Variants in LUZP2 observed in about 807,000 individuals in gnomAD.
The protein encoded by LUZP2 is leucine zipper protein 2.
A neutral mutation model predicts 51.6 loss-of-function variants in LUZP2; 52 were observed. The observed-to-expected ratio is 1.01, with a 90% confidence interval of 0.81 to 1.27. The LOEUF is 1.27. Among genes scored for constraint, LUZP2 ranks in the 50% most tolerant of loss-of-function variants. LUZP2 has a pLI of 0.00. For synonymous variants in LUZP2, 154 were observed against 137.3 expected (o/e 1.12, Z -0.85); for missense variants, 436 against 395.4 (o/e 1.10, Z -0.87).
intron 4 of LUZP2, among the ~76,000 whole-genome samples, chr11:24,749,201 A>C (rs1859488387): frequency 6.6e-6 from 1 of 152,180 alleles, no homozygotes; most frequent in African/African-American, 2.4e-5. Flanking sequence ...GGGCTGGCAC[A>C]AAGTGCAAAT....
chr11:24,773,964 G>A (rs1044604891), intron 5 of LUZP2, among the ~76,000 whole-genome samples: 9 of 152,030 alleles, frequency 5.9e-5, no homozygotes, highest in Non-Finnish European at 1.0e-4. Flanking sequence ...TTAATACTGA[G>A]TGTCAACTAG....
chr11:24,901,616 C>G (rs886731640), intron 5 of LUZP2, among the ~76,000 whole-genome samples: 22 of 152,130 alleles, frequency 1.4e-4, no homozygotes, highest in African/African-American at 5.3e-4. Context: ...TTCCTCAGGT[C>G]TTGTCTTAGA....
intron 1 of LUZP2, among the ~76,000 whole-genome samples, chr11:24,687,794 A>C (rs1477904351): frequency 6.6e-6 from 1 of 152,186 alleles, no homozygotes; most frequent in Non-Finnish European, 1.5e-5. Flanking sequence ...CTGAAGATCT[A>C]AATATATTTG....
At chr11:24,853,468 A>T (rs997468236) in intron 5 of LUZP2, among the ~76,000 whole-genome samples, 45 of 152,034 alleles carry the variant, frequency 3.0e-4, no homozygotes, top group African/African-American at 9.4e-4. Flanking sequence ...TTTCAGCTCC[A>T]TCAGGTTATT....
intron 5 of LUZP2, among the ~76,000 whole-genome samples, chr11:24,818,036 T>TAGATACTAGGCTAG (rs1251381750): frequency 1.3e-5 from 2 of 152,120 alleles, no homozygotes; most frequent in African/African-American, 4.8e-5. Flanking sequence ...ATAAACTATT[T>TAGATACTAGGCTAG]AGATACTAGG....
intron 4 of LUZP2, among the ~76,000 whole-genome samples, chr11:24,762,093 G>GTGT (rs1565123380): frequency 1.4e-3 from 1 of 728 alleles, no homozygotes; most frequent in African/African-American, 4.2e-3. Flanking sequence ...GGCATTTTAC[G>GTGT]TATTCTTGTT....
chr11:24,887,902 C>A (rs938135663), intron 5 of LUZP2, among the ~76,000 whole-genome samples: 1 of 152,130 alleles, frequency 6.6e-6, no homozygotes, highest in African/African-American at 2.4e-5. Flanking sequence ...CTGTGAGATG[C>A]AGCGATCTCT....
chr11:24,987,089 A>C (rs7117863), intron 9 of LUZP2, among the ~76,000 whole-genome samples: 78,364 of 151,542 alleles, frequency 0.52, 20,775 homozygotes, highest in African/African-American at 0.58. Flanking sequence ...GAGGAGATCA[A>C]ATACAAAAAT....
At chr11:24,751,757 A>T (rs1358108443) in intron 4 of LUZP2, among the ~76,000 whole-genome samples, 1 of 152,044 alleles carries the variant, frequency 6.6e-6, no homozygotes, top group Non-Finnish European at 1.5e-5. Flanking sequence ...AAGATATTTG[A>T]GTACAGAGCT....
intron 5 of LUZP2, among the ~76,000 whole-genome samples, chr11:24,848,052 A>C (rs1186252598): frequency 6.6e-6 from 1 of 152,068 alleles, no homozygotes; most frequent in Non-Finnish European, 1.5e-5. Context: ...TAATTTTAGT[A>C]GGAGAGAGTA....
At chr11:24,990,015 A>G (rs1354142850) in intron 9 of LUZP2, among the ~76,000 whole-genome samples, 3 of 152,140 alleles carry the variant, frequency 2.0e-5, no homozygotes, top group African/African-American at 7.2e-5. Flanking sequence ...AGGTGGGATC[A>G]TTTAAAATAT....
At chr11:25,071,288 T>A (rs1859150793) in intron 10 of LUZP2, among the ~76,000 whole-genome samples, 1 of 151,984 alleles carries the variant, frequency 6.6e-6, no homozygotes, top group South Asian at 2.1e-4. Context: ...AAATCACACA[T>A]GATGCTAAAT....
chr11:24,845,830 A>C (rs577780272), intron 5 of LUZP2, among the ~76,000 whole-genome samples: 2 of 152,128 alleles, frequency 1.3e-5, no homozygotes, highest in Non-Finnish European at 2.9e-5. Context: ...CTCCCCAGCC[A>C]TGTGGAACCA....
chr11:24,695,310 A>C (rs1218994298), intron 1 of LUZP2, among the ~76,000 whole-genome samples: 1 of 152,118 alleles, frequency 6.6e-6, no homozygotes, highest in Non-Finnish European at 1.5e-5. Flanking sequence ...AATTAGTAAA[A>C]TGTGATCTTT....
At chr11:24,694,169 T>C (rs977927321) in intron 1 of LUZP2, among the ~76,000 whole-genome samples, 15 of 152,084 alleles carry the variant, frequency 9.9e-5, no homozygotes, top group Non-Finnish European at 1.5e-5. Context: ...TTAAACCTTC[T>C]GACATTTTCT....
chr11:24,983,170 G>T lies in LUZP2; in HGVS notation c.642G>T (p.Leu214Phe), dbSNP rs1218668232. The T allele has an allele frequency of 3.7e-6, 6 of 1,612,138 alleles. No individual in the cohort carries two copies. The highest frequency in any genetic ancestry group is 5.1e-6 in the Non-Finnish European group (6 of 1,178,860). Residue 214 changes from leucine to phenylalanine, a missense_variant, in exon 9 of 12, where the codon TTG becomes TTT. By Grantham distance (22) the Leu-to-Phe change is conservative. Coordinates refer to ENST00000336930, the MANE Select transcript of LUZP2 (RefSeq NM_001009909.4). ...KAMKETVQLC[L>F]TSVFRDQPPP... ...TGAAAGAGACTGTGCAGCTCTGCTT[G>T]ACATCTGTTTTCCGTGATCAGCCTC...
intron 1 of LUZP2, among the ~76,000 whole-genome samples, chr11:24,659,833 T>G (rs1181873032): frequency 2.0e-5 from 3 of 152,162 alleles, no homozygotes; most frequent in Non-Finnish European, 4.4e-5. Context: ...CACCCTGATA[T>G]AAACCTGTTC....
intron 5 of LUZP2, among the ~76,000 whole-genome samples, chr11:24,898,259 CAGGT>C (rs1237063970): frequency 6.7e-6 from 1 of 148,378 alleles, no homozygotes; most frequent in African/African-American, 2.5e-5. Flanking sequence ...AAAAAAAAAT[CAGGT>C]AAGTATGTCA....
At chr11:24,526,581 T>C (rs1850814450) in intron 1 of LUZP2, among the ~76,000 whole-genome samples, 1 of 151,350 alleles carries the variant, frequency 6.6e-6, no homozygotes, top group South Asian at 2.1e-4. Context: ...TTTAACTATG[T>C]TCCATGGGAC....
Sources: gnomAD v4.1 joint callset for allele counts (sites outside exome capture counted in the v4.1 genomes callset) on GRCh38, gnomAD v4.1.1 for gene constraint, MANE v1.5 for transcripts, NCBI Gene and HGNC (gene_info 2026-07-23, HGNC 2026-07-21) for gene names.